The following STAP1 variants were observed in gnomAD, a reference collection of about 807,000 sequenced individuals.
STAP1 encodes the protein signal transducing adaptor family member 1, also known as signal-transducing adaptor protein 1.
A neutral mutation model predicts 37.8 loss-of-function variants in STAP1; 30 were observed. The observed-to-expected ratio is 0.79, with a 90% CI of 0.59 to 1.08. STAP1 has a LOEUF of 1.08. Among genes scored for constraint, STAP1 ranks in the 50% least tolerant of loss-of-function variants. The pLI is 0.00. For missense variants in STAP1, 357 were observed against 349.4 expected (o/e 1.02, Z -0.17); for synonymous variants, 130 against 116.0 (o/e 1.12, Z -0.78).
intron 4 of STAP1, among the ~76,000 whole-genome samples, chr4:67,578,214 A>T: frequency 6.6e-6 from 1 of 152,200 alleles, no homozygotes; most frequent in East Asian, 1.9e-4. Context: ...CCACTGTAGC[A>T]ATTGCCTTGG....
At chr4:67,601,599 T>C (rs1452909725) in intron 8 of STAP1, among the ~76,000 whole-genome samples, 1 of 152,326 alleles carries the variant, frequency 6.6e-6, no homozygotes, top group Middle Eastern at 3.4e-3. Flanking sequence ...TCCTCCATGT[T>C]TGAAGGATAT....
chr4:67,583,719 T>A lies in STAP1; in HGVS notation c.659+17T>A, dbSNP rs560317672. 50 of 1,604,336 alleles carry A rather than the reference T, an allele frequency of 3.1e-5. No individual in the cohort carries two copies. Among genetic ancestry groups the A allele is most frequent in the Non-Finnish European group, 3.9e-5 (46 of 1,176,512 alleles). On this transcript the variant is annotated intron_variant, in intron 6 of 8. Coordinates refer to ENST00000265404, the MANE Select transcript of STAP1 (RefSeq NM_012108.4). ...GGAGATAGAGTATGTTTATTTTTTT[T>A]AAATGTATGGAATTTTTAAAAGCGT... is the stretch of plus-strand genomic sequence containing the variant.
At chr4:67,568,641 A>G (rs1253318775) in intron 1 of STAP1, among the ~76,000 whole-genome samples, 2 of 152,234 alleles carry the variant, frequency 1.3e-5, no homozygotes, top group African/African-American at 4.8e-5. Flanking sequence ...ATAATTAAAT[A>G]TTCACCACAT....
intron 1 of STAP1, among the ~76,000 whole-genome samples, chr4:67,560,655 T>G (rs1349710980): frequency 1.3e-5 from 2 of 151,426 alleles, no homozygotes; most frequent in Admixed American, 6.6e-5. Flanking sequence ...TGTGTGTCTG[T>G]GTGTGTGTGT....
chr4:67,567,397 G>A (rs1331482943), intron 1 of STAP1, among the ~76,000 whole-genome samples: 1 of 152,096 alleles, frequency 6.6e-6, no homozygotes, highest in Admixed American at 6.6e-5. Context: ...AAACACAGCA[G>A]GGCTTGAACA....
chr4:67,592,126 AT>A (rs5859097), intron 7 of STAP1, among the ~76,000 whole-genome samples: 1,578 of 148,442 alleles, frequency 0.011, 31 homozygotes, highest in African/African-American at 0.036. Context: ...TATTTTTGTG[AT>A]TTTTTTTTTT....
intron 8 of STAP1, among the ~76,000 whole-genome samples, chr4:67,598,199 T>C (rs1246147376): frequency 1.3e-5 from 2 of 152,188 alleles, no homozygotes; most frequent in African/African-American, 4.8e-5. Flanking sequence ...CCTTGCACTC[T>C]CTTTTTCTCT....
Position 67,581,455 on chromosome 4 carries a change from C to G in STAP1, c.514C>G (p.Leu172Val), listed in dbSNP as rs1374920842. The stretch of plus-strand genomic sequence containing the variant: ...ACCAACTGAAGATTATGTGGATGTA[C>G]TGAACCCTATGCCAGCGTAAGTGCA... ...KEPTEDYVDV[L>V]NPMPACFYTV... is the part of the protein sequence containing the mutation. Residue 172 changes from leucine to valine, a missense_variant, in exon 5 of 9, where the codon CTG (leucine) becomes GTG (valine). Physicochemically the swap from Leu to Val is conservative, Grantham distance 32 (BLOSUM62 1). Coordinates refer to ENST00000265404, the MANE Select transcript of STAP1 (RefSeq NM_012108.4). 2 of 1,611,278 alleles carry G rather than the reference C, an allele frequency of 1.2e-6. No homozygotes were observed. The highest frequency in any genetic ancestry group is 3.4e-5 in the Admixed American group (2 of 59,480).
intron 4 of STAP1, among the ~76,000 whole-genome samples, chr4:67,580,893 T>C (rs1003595378): frequency 2.6e-5 from 4 of 152,254 alleles, no homozygotes; most frequent in African/African-American, 7.2e-5. Context: ...TGTTGCCATA[T>C]GGCTGGGGGA....
rs11556614 is a variant in STAP1, at chr4:67,577,250, A to G, written c.354A>G (p.Thr118=). 932,127 of 1,604,228 alleles carry G rather than the reference A, an allele frequency of 0.58. 280,300 individuals carry two copies. The highest frequency in any genetic ancestry group is 0.63 in the Non-Finnish European group (738,625 of 1,175,524). Residue 118 remains threonine, a synonymous_variant, in exon 4 of 9, where the codon ACA becomes ACG. Transcript: ENST00000265404. ...SGEEWRGFIL[T]VTELSVPQNV... ...AAGAATGGAGAGGCTTCATTCTTAC[A>G]GTAACAGAGGTAGGAAGCTCACTGC...
At chr4:67,591,203 G>A (rs544156361) in intron 7 of STAP1, among the ~76,000 whole-genome samples, 3 of 152,152 alleles carry the variant, frequency 2.0e-5, no homozygotes, top group Admixed American at 6.5e-5. Flanking sequence ...TTCAGAGAAA[G>A]AAAGATACTT....
At chr4:67,592,260 C>A (rs1270197721) in intron 7 of STAP1, among the ~76,000 whole-genome samples, 2 of 152,132 alleles carry the variant, frequency 1.3e-5, no homozygotes, top group Non-Finnish European at 2.9e-5. Context: ...TCCCGAGTAG[C>A]GGGAACCACA....
At chr4:67,574,076 A>C (rs886909453) in intron 2 of STAP1, among the ~76,000 whole-genome samples, 5 of 152,146 alleles carry the variant, frequency 3.3e-5, no homozygotes, top group Admixed American at 2.6e-4. Context: ...AGTGGTGTGC[A>C]GTAAATGCTG....
chr4:67,588,929 T>C (rs1314472937), intron 6 of STAP1, among the ~76,000 whole-genome samples: 1 of 152,196 alleles, frequency 6.6e-6, no homozygotes, highest in African/African-American at 2.4e-5. Flanking sequence ...TATAATTTAC[T>C]GAATGCTTAA....
In STAP1 at chr4:67,568,952, A is replaced by G. The variant is rs114829441; in HGVS notation, c.121-2132A>G. Among the ~76,000 whole-genome samples the G allele has an allele frequency of 4.2e-3, 642 of 152,340 alleles. 4 individuals are homozygous for G. Among genetic ancestry groups the G allele is most frequent in the African/African-American group, 0.015 (620 of 41,570 alleles). The stretch of plus-strand genomic sequence containing the variant: ...AAGTTTTAGAAAATGAACTACTTAA[A>G]CACAAATCAAATTACAGTGATGAGT... On this transcript the variant is annotated intron_variant, in intron 1 of 8. Transcript: ENST00000265404.
intron 3 of STAP1, among the ~76,000 whole-genome samples, chr4:67,576,875 C>G (rs888942146): frequency 6.6e-6 from 1 of 152,152 alleles, no homozygotes; most frequent in African/African-American, 2.4e-5. Context: ...ATTTGGTTGT[C>G]CTGAATTTAA....
intron 1 of STAP1, among the ~76,000 whole-genome samples, chr4:67,563,308 T>C (rs1727393216): frequency 6.6e-6 from 1 of 152,228 alleles, no homozygotes; most frequent in Admixed American, 6.5e-5. Context: ...ATGCAACCTT[T>C]TGAGGTATAA....
At chr4:67,594,928 T>G (rs1022896858) in intron 8 of STAP1, among the ~76,000 whole-genome samples, 1 of 152,164 alleles carries the variant, frequency 6.6e-6, no homozygotes, top group East Asian at 1.9e-4. Context: ...TCTGAACCGA[T>G]ACAAGCTTTT....
chr4:67,594,658 C>T (rs1161433859), intron 8 of STAP1, among the ~76,000 whole-genome samples: 1 of 152,156 alleles, frequency 6.6e-6, no homozygotes, highest in Admixed American at 6.5e-5. Flanking sequence ...AAAATGTCTA[C>T]AATGTCTTCC....
Sources: allele counts gnomAD v4.1 joint callset (sites outside exome capture counted in the v4.1 genomes callset), GRCh38; gene constraint gnomAD v4.1.1; transcripts MANE v1.5; gene names NCBI Gene and HGNC (gene_info 2026-07-23, HGNC 2026-07-21).